RYR2: variants seen among roughly 807,000 people sequenced by gnomAD.
RYR2 encodes ryanodine receptor 2.
RYR2 carries 227 observed loss-of-function variants against 601.1 expected under a neutral mutation model. The ratio of observed to expected loss-of-function variants is 0.38; its 90% CI spans 0.34 to 0.42. The LOEUF (loss-of-function observed/expected upper bound fraction) is 0.42. Among genes scored for constraint, RYR2 ranks in the 10% least tolerant of loss-of-function variants. RYR2 has a pLI of 1.00. For missense variants in RYR2, 4,646 were observed against 6,156.5 expected (o/e 0.75, Z 8.21); for synonymous variants, 2,223 against 2,175.1 (o/e 1.02, Z -0.61).
At chr1:237,719,376 A>G (rs1300572120) in intron 73 of RYR2, among the ~76,000 whole-genome samples, 1 of 152,212 alleles carries the variant, frequency 6.6e-6, no homozygotes, top group Non-Finnish European at 1.5e-5. Context: ...GAGACTGGGT[A>G]ATTTAGGAAG....
intron 63 of RYR2, among the ~76,000 whole-genome samples, chr1:237,696,793 C>G (rs1687489721): frequency 6.6e-6 from 1 of 152,070 alleles, no homozygotes; most frequent in Admixed American, 6.6e-5. Flanking sequence ...CACATTCAAT[C>G]CATAAGTAAA....
chr1:237,169,477 T>G (rs1453341996), intron 1 of RYR2, among the ~76,000 whole-genome samples: 3 of 152,092 alleles, frequency 2.0e-5, no homozygotes, highest in Non-Finnish European at 2.9e-5. Context: ...TTTTTGTATT[T>G]TTAGTAGACA....
At chr1:237,705,392 A>G (rs753853663) in intron 67 of RYR2, 49 bp downstream of exon 67, 4 of 1,457,320 alleles carry the variant, frequency 2.7e-6, no homozygotes, top group Non-Finnish European at 3.8e-6. Context: ...CTAAAACTTG[A>G]TATTTATCAT....
intron 1 of RYR2, among the ~76,000 whole-genome samples, chr1:237,176,619 C>T (rs1196067554): frequency 1.3e-5 from 2 of 151,782 alleles, no homozygotes; most frequent in South Asian, 2.1e-4. Context: ...TTCCTTATAG[C>T]AATATATGAA....
chr1:237,639,885 A>T (rs1681284720), intron 46 of RYR2, among the ~76,000 whole-genome samples: 1 of 152,126 alleles, frequency 6.6e-6, no homozygotes, highest in African/African-American at 2.4e-5. Context: ...TAAAGAAAAA[A>T]AAGAGTTAGA....
intron 10 of RYR2, among the ~76,000 whole-genome samples, chr1:237,407,277 A>G (rs1290174123): frequency 5.3e-5 from 8 of 152,196 alleles, no homozygotes; most frequent in Non-Finnish European, 1.2e-4. Context: ...TTTACATGCA[A>G]GTTTTGTATA....
chr1:237,255,692 C>T (rs1687889830), intron 1 of RYR2, among the ~76,000 whole-genome samples: 1 of 152,096 alleles, frequency 6.6e-6, no homozygotes, highest in Non-Finnish European at 1.5e-5. Flanking sequence ...TATCACGATA[C>T]TGAAATGGAT....
At chr1:237,144,906 C>A (rs1046418343) in intron 1 of RYR2, among the ~76,000 whole-genome samples, 1 of 152,164 alleles carries the variant, frequency 6.6e-6, no homozygotes, top group Non-Finnish European at 1.5e-5. Flanking sequence ...CACCCTCAGA[C>A]GTCCCCTAAC....
intron 93 of RYR2, 146 bp from the exon 94 acceptor site, chr1:237,791,959 G>C: frequency 1.6e-6 from 1 of 636,754 alleles, no homozygotes; most frequent in Non-Finnish European, 2.7e-6. Flanking sequence ...AAAAGCTATC[G>C]TTTTTAGCCT....
At chr1:237,402,192 G>A (rs1216984454) in intron 10 of RYR2, among the ~76,000 whole-genome samples, 7 of 150,710 alleles carry the variant, frequency 4.6e-5, no homozygotes, top group Non-Finnish European at 8.8e-5. Flanking sequence ...CCAGGAGTTC[G>A]AGACCTGCCT....
At chr1:237,673,323 T>A (rs1251093739) in intron 58 of RYR2, among the ~76,000 whole-genome samples, 3 of 152,210 alleles carry the variant, frequency 2.0e-5, no homozygotes, top group African/African-American at 7.2e-5. Flanking sequence ...TTAATTTTTT[T>A]ATAATTTTTG....
intron 82 of RYR2, among the ~76,000 whole-genome samples, chr1:237,758,352 A>G (rs190023655): frequency 6.6e-6 from 1 of 152,262 alleles, no homozygotes; most frequent in East Asian, 1.9e-4. Context: ...TCAAATATAT[A>G]TCCCACCATC....
intron 1 of RYR2, among the ~76,000 whole-genome samples, chr1:237,060,170 ATCC>A (rs1176626262): frequency 1.3e-5 from 2 of 152,196 alleles, no homozygotes; most frequent in Non-Finnish European, 2.9e-5. Flanking sequence ...TCATATTTGT[ATCC>A]ACAGAAATAC....
At chr1:237,171,020 G>A (rs1287954213) in intron 1 of RYR2, among the ~76,000 whole-genome samples, 1 of 152,020 alleles carries the variant, frequency 6.6e-6, no homozygotes, top group Admixed American at 6.6e-5. Flanking sequence ...TCCCCATGAG[G>A]TCGGGAGATC....
intron 2 of RYR2, among the ~76,000 whole-genome samples, chr1:237,329,134 T>G (rs1334623216): frequency 6.6e-6 from 1 of 152,184 alleles, no homozygotes; most frequent in African/African-American, 2.4e-5. Context: ...AAGAAAGAAA[T>G]GCATTCACAA....
intron 14 of RYR2, among the ~76,000 whole-genome samples, chr1:237,447,754 CTTTCT>C (rs1242138880): frequency 1.3e-5 from 2 of 149,820 alleles, no homozygotes; most frequent in Non-Finnish European, 3.0e-5. Context: ...TTTCTTCTTT[CTTTCT>C]TTTCTTTCCG....
intron 94 of RYR2, among the ~76,000 whole-genome samples, chr1:237,793,060 C>T (rs566480353): frequency 1.0e-3 from 158 of 152,346 alleles, no homozygotes; most frequent in Non-Finnish European, 1.8e-3. Flanking sequence ...GTCCAAACCT[C>T]TTTATCTTTT....
At chr1:237,792,378 T>TGTGTGTGTGC (rs1558425718) in intron 94 of RYR2, 55 bp downstream of exon 94, 4 of 864,714 alleles carry the variant, frequency 4.6e-6, no homozygotes, top group African/African-American at 2.2e-5. Context: ...TGTGTGTGTG[T>TGTGTGTGTGC]GTGCGTGTGT....
chr1:237,685,188 T>A (rs1318397644), intron 62 of RYR2, among the ~76,000 whole-genome samples: 1 of 152,182 alleles, frequency 6.6e-6, no homozygotes, highest in Admixed American at 6.5e-5. Flanking sequence ...AACAGTATTA[T>A]AGAAAATATT....
Sources: allele counts gnomAD v4.1 joint callset (sites outside exome capture counted in the v4.1 genomes callset), GRCh38; gene constraint gnomAD v4.1.1; transcripts MANE v1.5; gene names NCBI Gene and HGNC (gene_info 2026-07-23, HGNC 2026-07-21).